ENOX1: variants seen among roughly 807,000 people sequenced by gnomAD.
ENOX1 encodes ecto-NOX disulfide-thiol exchanger 1, also known as candidate growth-related and time keeping constitutive hydroquinone (NADH) oxidase.
ENOX1 carries 42 observed loss-of-function variants against 82.5 expected under a neutral mutation model. The observed-to-expected ratio is 0.51, with a 90% CI of 0.40 to 0.66. The LOEUF (loss-of-function observed/expected upper bound fraction) is 0.66. Among genes scored for constraint, ENOX1 ranks in the 30% least tolerant of loss-of-function variants. ENOX1 has a pLI of 0.00. For missense variants in ENOX1, 608 were observed against 811.6 expected (o/e 0.75, Z 3.05); for synonymous variants, 271 against 282.2 (o/e 0.96, Z 0.40).
At chr13:43,470,882 G>A (rs564912282) in intron 3 of ENOX1, among the ~76,000 whole-genome samples, 9 of 152,264 alleles carry the variant, frequency 5.9e-5, no homozygotes, top group Non-Finnish European at 1.2e-4. Flanking sequence ...AAATATGGGT[G>A]AGGATGTAGA....
chr13:43,589,474 A>G (rs1448921778), intron 2 of ENOX1, among the ~76,000 whole-genome samples: 1 of 152,100 alleles, frequency 6.6e-6, no homozygotes, highest in African/African-American at 2.4e-5. Context: ...TGTGAAGTTT[A>G]TATTACTTGG....
chr13:43,312,322 G>C (rs1403973910), intron 11 of ENOX1, among the ~76,000 whole-genome samples: 2 of 152,146 alleles, frequency 1.3e-5, no homozygotes, highest in Non-Finnish European at 2.9e-5. Context: ...AAAAGCCTCG[G>C]GAATAGAGAA....
intron 5 of ENOX1, among the ~76,000 whole-genome samples, chr13:43,388,528 T>A (rs1396795367): frequency 6.6e-6 from 1 of 152,166 alleles, no homozygotes. Flanking sequence ...TCTCTGCTCA[T>A]AAACAGTGAA....
intron 2 of ENOX1, among the ~76,000 whole-genome samples, chr13:43,574,067 A>G (rs1277928553): frequency 1.3e-5 from 2 of 152,184 alleles, no homozygotes; most frequent in Non-Finnish European, 2.9e-5. Context: ...TGACAGGGAT[A>G]TGGATGACTA....
intron 3 of ENOX1, among the ~76,000 whole-genome samples, chr13:43,452,195 A>G (rs1169001413): frequency 6.6e-6 from 1 of 152,106 alleles, no homozygotes. Context: ...ACAGGTATAC[A>G]CGTGCCACGG....
At chr13:43,603,191 TCTTA>T (rs1202714246) in intron 2 of ENOX1, among the ~76,000 whole-genome samples, 1 of 151,970 alleles carries the variant, frequency 6.6e-6, no homozygotes, top group Non-Finnish European at 1.5e-5. Flanking sequence ...CTTTACCATA[TCTTA>T]CTTTTTTAAA....
intron 16 of ENOX1, among the ~76,000 whole-genome samples, chr13:43,216,929 G>A (rs1482850167): frequency 6.6e-6 from 1 of 152,284 alleles, no homozygotes; most frequent in East Asian, 1.9e-4. Flanking sequence ...ACAATCACCA[G>A]GAAACTTTTC....
chr13:43,746,622 C>T (rs1435704882), intron 1 of ENOX1, among the ~76,000 whole-genome samples: 3 of 151,838 alleles, frequency 2.0e-5, no homozygotes, highest in African/African-American at 7.3e-5. Context: ...TACAACAGAT[C>T]ACTGTTCATC....
At chr13:43,590,610 T>TA (rs1282781705) in intron 2 of ENOX1, among the ~76,000 whole-genome samples, 19 of 28,842 alleles carry the variant, frequency 6.6e-4, no homozygotes, top group African/African-American at 1.8e-3. Flanking sequence ...TTGTTTCTAC[T>TA]AAAAAAACAA....
intron 1 of ENOX1, among the ~76,000 whole-genome samples, chr13:43,769,594 G>T (rs57205255): frequency 6.6e-6 from 1 of 152,174 alleles, no homozygotes; most frequent in Admixed American, 6.5e-5. Context: ...TGCAGAGCAA[G>T]CATGTATTGA....
intron 3 of ENOX1, among the ~76,000 whole-genome samples, chr13:43,452,105 T>C (rs775949895): frequency 3.9e-5 from 6 of 152,136 alleles, no homozygotes; most frequent in Non-Finnish European, 7.4e-5. Context: ...CAGCAGGGCT[T>C]ACAGATCTAC....
chr13:43,219,738 G>T (rs981932811), intron 16 of ENOX1, among the ~76,000 whole-genome samples: 1 of 152,008 alleles, frequency 6.6e-6, no homozygotes, highest in African/African-American at 2.4e-5. Flanking sequence ...CTCCTTGCCC[G>T]GCCTCTAATC....
At chr13:43,291,817 A>AT (rs1262700714) in intron 12 of ENOX1, among the ~76,000 whole-genome samples, 1 of 152,222 alleles carries the variant, frequency 6.6e-6, no homozygotes, top group East Asian at 1.9e-4. Flanking sequence ...ATAAACTTAC[A>AT]AAAACAAGGA....
rs536661268 is a variant in ENOX1, at chr13:43,747,816, C to T, written c.-285+38836G>A. On this transcript the variant is annotated intron_variant, in intron 1 of 16. Transcript: ENST00000690772. ...GTTTGTTAATTCAGGTCCTCAGATC[C>T]CAAAGGGATCCATGGATAGAATTCA... is the stretch of plus-strand genomic sequence containing the variant. Among the ~76,000 whole-genome samples, 5 of 152,258 alleles carry T rather than the reference C, an allele frequency of 3.3e-5. No individual in the cohort carries two copies. The East Asian group carries it at 9.6e-4, about 29-fold the overall frequency.
chr13:43,321,051 A>C (rs561952893), intron 11 of ENOX1: 4 of 456,316 alleles, frequency 8.8e-6, no homozygotes, highest in South Asian at 6.2e-5. Flanking sequence ...GACAAGGGAT[A>C]TATGGCTTCA....
At chr13:43,521,777 T>A (rs2077780199) in intron 2 of ENOX1, among the ~76,000 whole-genome samples, 1 of 152,158 alleles carries the variant, frequency 6.6e-6, no homozygotes, top group Non-Finnish European at 1.5e-5. Flanking sequence ...CCCTGAGGTC[T>A]GGTCTGAATG....
intron 14 of ENOX1, among the ~76,000 whole-genome samples, chr13:43,247,248 G>A (rs1348223303): frequency 6.6e-6 from 1 of 151,572 alleles, no homozygotes; most frequent in African/African-American, 2.4e-5. Context: ...AGGAGGTGGA[G>A]GTTGCAGTGA....
intron 9 of ENOX1, among the ~76,000 whole-genome samples, chr13:43,326,934 G>A (rs2048147637): frequency 6.6e-6 from 1 of 152,202 alleles, no homozygotes; most frequent in Non-Finnish European, 1.5e-5. Context: ...GTGGCTGAAC[G>A]AGGAAGAGCC....
chr13:43,684,668 T>A (rs1400291281), intron 1 of ENOX1, among the ~76,000 whole-genome samples: 1 of 152,168 alleles, frequency 6.6e-6, no homozygotes, highest in Non-Finnish European at 1.5e-5. Context: ...GAACAGGTAA[T>A]CTTCAGAAGC....
Sources: allele counts gnomAD v4.1 joint callset (sites outside exome capture counted in the v4.1 genomes callset), GRCh38; gene constraint gnomAD v4.1.1; transcripts MANE v1.5; gene names NCBI Gene and HGNC (gene_info 2026-07-23, HGNC 2026-07-21).